The following ALG12 variants were observed in gnomAD, a reference collection of about 807,000 sequenced individuals.
ALG12 encodes ALG12 alpha-1,6-mannosyltransferase.
Under a neutral mutation model 46.0 loss-of-function variants are expected in ALG12, and 36 were observed. The ratio of observed to expected loss-of-function variants is 0.78; its 90% confidence interval spans 0.60 to 1.03. The LOEUF is 1.03. Ranked by LOEUF, ALG12 falls within the 50% of genes least tolerant of loss-of-function variation. The probability of loss-of-function intolerance (pLI) is 0.00; values close to 1 mark genes in which losing one functional copy is unlikely to be tolerated. For synonymous variants in ALG12, 326 were observed against 291.6 expected (o/e 1.12, Z -1.20); for missense variants, 599 against 633.5 (o/e 0.95, Z 0.58).
chr22:49,886,610 G>T, the ALG12 span: 1 of 1,573,274 alleles, frequency 6.4e-7, no homozygotes, highest in Non-Finnish European at 8.6e-7. This position sits in a 1 kb window ranked among gnomAD's most constrained non-coding sequence, Gnocchi z 7.7. Context: ...ACCATGCTGC[G>T]CTCTCTGAAG....
At position 49,900,579 on chromosome 22, in the gene ALG12, C is replaced by T. The variant is rs2060499862; in HGVS notation, c.*3259G>A. ...TTGTGGGCAGGGAGTGAACTGCACA[C>T]AATCCCGACCTCTTCATGGTGGGTT... On this transcript the variant is annotated 3_prime_UTR_variant, in exon 10 of 10. Transcript: ENST00000330817. 1 of 152,266 alleles carries T rather than the reference C, an allele frequency of 6.6e-6. No individual in the cohort carries two copies. Among genetic ancestry groups the T allele is most frequent in the African/African-American group, 2.4e-5 (1 of 41,458 alleles). The allele number at this position is 152,266 out of a possible 1,614,324, so 9.4% of individuals were successfully genotyped here. A position where few individuals can be genotyped will look rare whatever the true frequency, so the allele number is the denominator to read the frequency against.
the ALG12 span, among the ~76,000 whole-genome samples, chr22:49,871,320 C>T: frequency 6.6e-6 from 1 of 151,980 alleles, no homozygotes; most frequent in Non-Finnish European, 1.5e-5. Flanking sequence ...AACCCCGTCA[C>T]TACTAAAAAT....
At chr22:49,881,302 T>G in the ALG12 span, among the ~76,000 whole-genome samples, 1 of 152,258 alleles carries the variant, frequency 6.6e-6, no homozygotes, top group Non-Finnish European at 1.5e-5. Context: ...TGAACTGAGA[T>G]CGTGCCGCTG....
At chr22:49,867,955 G>A in the ALG12 span, among the ~76,000 whole-genome samples, 2 of 152,206 alleles carry the variant, frequency 1.3e-5, no homozygotes, top group African/African-American at 2.4e-5. Context: ...AATATCTCAT[G>A]TAAGAGTGTC....
chr22:49,907,668 G>A (rs762034958), intron 7 of ALG12, 53 bp downstream of exon 7: 11 of 1,564,220 alleles, frequency 7.0e-6, no homozygotes, highest in African/African-American at 1.4e-5. Flanking sequence ...GTAAATCAGT[G>A]AACCTGTTTC....
chr22:49,913,624 G>T lies in ALG12; in HGVS notation c.142C>A (p.His48Asn). ...NLQATHDLLY[H>N]WQDLEQYDHL... ...CTCACCTGCTCCAGGTCTTGCCAGT[G>T]GTAGAGCAGGTCATGTGTGGCCTGC... Residue 48 changes from histidine to asparagine, a missense_variant, in exon 2 of 10, where the codon CAC becomes AAC. His to Asn is a moderately conservative substitution (Grantham distance 68). Transcript: ENST00000330817. The T allele has an allele frequency of 6.2e-7, 1 of 1,614,128 alleles. No individual in the cohort carries two copies. Among genetic ancestry groups the T allele is most frequent in the Non-Finnish European group, 8.5e-7 (1 of 1,180,040 alleles).
chr22:49,916,916 G>A (rs2061898151), intron 1 of ALG12, among the ~76,000 whole-genome samples: 1 of 152,266 alleles, frequency 6.6e-6, no homozygotes, highest in African/African-American at 2.4e-5. Context: ...GAGTTCCCCA[G>A]CAAGGAAGAG....
downstream of ALG12, among the ~76,000 whole-genome samples, chr22:49,899,523 C>A (rs564070873): frequency 6.6e-6 from 1 of 151,748 alleles, no homozygotes; most frequent in Non-Finnish European, 1.5e-5. Context: ...CACCACTCAC[C>A]CCTCAGACTG....
chr22:49,914,165 AT>A (rs1164173191), intron 1 of ALG12, among the ~76,000 whole-genome samples: 2 of 152,154 alleles, frequency 1.3e-5, no homozygotes, highest in East Asian at 3.9e-4. Flanking sequence ...CCCAGTCTAA[AT>A]CTGGCAGGAG....
chr22:49,868,631 G>A, the ALG12 span, among the ~76,000 whole-genome samples: 2 of 152,198 alleles, frequency 1.3e-5, no homozygotes, highest in Admixed American at 6.5e-5. Flanking sequence ...GACACGATGT[G>A]ATTATAAACC....
chr22:49,886,042 GC>G, the ALG12 span: 1 of 683,130 alleles, frequency 1.5e-6, no homozygotes, highest in Non-Finnish European at 2.7e-6. The surrounding 1 kb of genome is among the most constrained non-coding windows in gnomAD (Gnocchi z 7.7). Context: ...CTGGTGGGAA[GC>G]GTGGGTGACC....
At chr22:49,887,303 C>T in the ALG12 span, 3 of 1,023,356 alleles carry the variant, frequency 2.9e-6, no homozygotes, top group Non-Finnish European at 4.3e-6. Flanking sequence ...CAGGGCCGCT[C>T]TCCAGCTCAC....
At chr22:49,877,042 T>C in the ALG12 span, among the ~76,000 whole-genome samples, 4 of 152,206 alleles carry the variant, frequency 2.6e-5, no homozygotes, top group Non-Finnish European at 5.9e-5. Context: ...TATTTTCACA[T>C]TGAAAATCAG....
the ALG12 span, among the ~76,000 whole-genome samples, chr22:49,890,997 T>C: frequency 2.7e-5 from 4 of 150,072 alleles, no homozygotes; most frequent in African/African-American, 9.9e-5. Flanking sequence ...GCCACTGCAC[T>C]CCAGCCTGGG....
chr22:49,876,284 A>G, the ALG12 span, among the ~76,000 whole-genome samples: 3 of 152,328 alleles, frequency 2.0e-5, no homozygotes, highest in Middle Eastern at 3.4e-3. Flanking sequence ...AATGCCCATT[A>G]GGTCAACTTG....
At chr22:49,915,286 C>T (rs1243884446) in intron 1 of ALG12, among the ~76,000 whole-genome samples, 13 of 152,020 alleles carry the variant, frequency 8.6e-5, no homozygotes, top group East Asian at 1.9e-4. Flanking sequence ...GGGCCAGGTG[C>T]GGTGGCTCAT....
At chr22:49,907,164 C>G (rs746537317) in intron 7 of ALG12, among the ~76,000 whole-genome samples, 1 of 152,166 alleles carries the variant, frequency 6.6e-6, no homozygotes, top group Non-Finnish European at 1.5e-5. Context: ...CCCTCAAGCC[C>G]GAGGCCCTGT....
At chr22:49,911,083 T>G (rs1034229425) in intron 3 of ALG12, among the ~76,000 whole-genome samples, 1 of 152,210 alleles carries the variant, frequency 6.6e-6, no homozygotes, top group African/African-American at 2.4e-5. Flanking sequence ...ACCTCTGGGC[T>G]GGTGGTCTGA....
chr22:49,862,693 CTTTTTT>C, the ALG12 span, among the ~76,000 whole-genome samples: 2 of 58,988 alleles, frequency 3.4e-5, no homozygotes, highest in African/African-American at 1.1e-4. Context: ...TAAGTTTTTC[CTTTTTT>C]TTTTTTTTTT....
Sources: allele counts gnomAD v4.1 joint callset (sites outside exome capture counted in the v4.1 genomes callset), GRCh38; gene constraint gnomAD v4.1.1; non-coding constraint Gnocchi (gnomAD v3.1); transcripts MANE v1.5; gene names NCBI Gene and HGNC (gene_info 2026-07-23, HGNC 2026-07-21).